The following COMT variants were observed in gnomAD, a reference collection of about 807,000 sequenced individuals.
COMT encodes catechol O-methyltransferase.
COMT carries 13 observed loss-of-function variants against 18.9 expected under a neutral mutation model. The ratio of observed to expected loss-of-function variants is 0.69; its 90% CI spans 0.45 to 1.09. COMT has a LOEUF of 1.09. Ranked by LOEUF, COMT falls within the 50% of genes least tolerant of loss-of-function variation. The pLI, the probability that COMT is intolerant of heterozygous loss-of-function variation, is 0.00. For synonymous variants in COMT, 150 were observed against 160.9 expected (o/e 0.93, Z 0.51); for missense variants, 329 against 361.8 (o/e 0.91, Z 0.73).
rs1212982253 is a variant in COMT at position 19,961,206 on chromosome 22, A to ATC, written c.-82_-81dup. ...CAAAATTGATTTCCACAGAAATAAC[A>ATC]TCTGCTTTGCTGCCGAGCTCAGAGG... On this transcript the variant is annotated 5_prime_UTR_variant, in exon 2 of 6. Coordinates refer to ENST00000361682, the MANE Select transcript of COMT (RefSeq NM_000754.4). The ATC allele has an allele frequency of 6.6e-6, 1 of 152,324 alleles. No homozygotes were observed. 9.4% of individuals were successfully genotyped at this position (152,324 alleles called of 1,614,324 possible). A position where few individuals can be genotyped will look rare whatever the true frequency, so the allele number is the denominator to read the frequency against.
At chr22:19,949,082 G>C (rs962951172) in intron 1 of COMT, among the ~76,000 whole-genome samples, 2 of 151,868 alleles carry the variant, frequency 1.3e-5, no homozygotes, top group Non-Finnish European at 2.9e-5. Context: ...ACTTTCTTGA[G>C]GCCAGGAGTT....
At position 19,941,888 on chromosome 22, in the gene COMT, C is replaced by A. The variant is rs764956654; in HGVS notation, c.-101C>A. 3.2e-5 allele frequency: 43 copies of A among 1,352,762 alleles called. No individual in the cohort carries two copies. Among genetic ancestry groups the A allele is most frequent in the Non-Finnish European group, 4.0e-5 (42 of 1,051,702 alleles). 83.8% of individuals were successfully genotyped at this position (1,352,762 alleles called of 1,614,324 possible). A position where few individuals can be genotyped will look rare whatever the true frequency, so the allele number is the denominator to read the frequency against. Reference sequence around the variant, plus strand: ...GCGGGTCCAGTCCCGGGCGGGCCGTCGCGGGAGAGGTGAGAGCGCTGGCTA... The same window carrying A: ...GCGGGTCCAGTCCCGGGCGGGCCGTAGCGGGAGAGGTGAGAGCGCTGGCTA... On this transcript the variant is annotated 5_prime_UTR_variant, in exon 1 of 6. Coordinates refer to ENST00000361682, the MANE Select transcript of COMT (RefSeq NM_000754.4).
chr22:19,965,875 C>T (rs980082436), intron 5 of COMT, among the ~76,000 whole-genome samples: 1 of 152,064 alleles, frequency 6.6e-6, no homozygotes, highest in South Asian at 2.1e-4. Flanking sequence ...GGGGGGCTCA[C>T]CCCTGACAAA....
At position 19,968,947 on chromosome 22, in the gene COMT, T is replaced by C; in HGVS notation, c.*211T>C. The C allele has an allele frequency of 1.7e-6, 1 of 572,172 alleles. No homozygotes were observed. Among genetic ancestry groups the C allele is most frequent in the South Asian group, 2.0e-5 (1 of 50,262 alleles). The allele number at this position is 572,172 out of a possible 1,614,324, so 35.4% of individuals were successfully genotyped here. A position where few individuals can be genotyped will look rare whatever the true frequency, so the allele number is the denominator to read the frequency against. On this transcript the variant is annotated 3_prime_UTR_variant, in exon 6 of 6. Transcript: ENST00000361682. ...TCAATCATGACTTCTTTACTAACACTGGCTAGCTATATTATCTTATATACT... is the reference window on the plus strand; with the variant it reads ...TCAATCATGACTTCTTTACTAACACCGGCTAGCTATATTATCTTATATACT...
chr22:19,962,961 T>A, intron 3 of COMT, 146 bp downstream of exon 3: 11 of 1,065,618 alleles, frequency 1.0e-5, no homozygotes, highest in Non-Finnish European at 1.5e-5. Context: ...GGGGCTCCTC[T>A]GGAGTCCCAG....
chr22:19,948,954 C>CAA lies in COMT; in HGVS notation c.-92+7081_-92+7082dup, dbSNP rs71186636. Among the ~76,000 whole-genome samples the CAA allele has an allele frequency of 5.3e-3, 459 of 86,622 alleles. 4 individuals are homozygous for CAA. The highest frequency in any genetic ancestry group is 0.012 in the East Asian group (27 of 2,318). 56.8% of individuals were successfully genotyped at this position (86,622 alleles called of 152,430 possible). ...TGGGTAACAGAGCGAGACTCTGTCT[C>CAA]AAAAAAAAAAAAAAAAAAAAAAAAA... On this transcript the variant is annotated intron_variant, in intron 1 of 5. Coordinates refer to ENST00000361682, the MANE Select transcript of COMT (RefSeq NM_000754.4).
chr22:19,950,963 A>G (rs2146135682), intron 1 of COMT: 1 of 152,342 alleles, frequency 6.6e-6, no homozygotes, highest in Non-Finnish European at 1.5e-5. Flanking sequence ...AAGAACACAG[A>G]ACAGAGGGGG....
intron 1 of COMT, among the ~76,000 whole-genome samples, chr22:19,950,277 G>C: frequency 8.4e-6 from 1 of 118,542 alleles, no homozygotes; most frequent in African/African-American, 3.3e-5. Flanking sequence ...TAGAGACAAG[G>C]TCTTGCTGTG....
At position 19,962,687 on chromosome 22, in the gene COMT, C is replaced by A; in HGVS notation, c.161C>A (p.Thr54Asn). Residue 54 changes from threonine to asparagine, a missense_variant, in exon 3 of 6, where the codon ACC becomes AAC. Transcript: ENST00000361682. ...QPIHNLLMGD[T>N]KEQRILNHVL... is the part of the protein sequence containing the mutation. ...ATCCACAACCTGCTCATGGGTGACA[C>A]CAAGGAGCAGCGCATCCTGAACCAC... 1 of 1,613,508 alleles carries A rather than the reference C, an allele frequency of 6.2e-7. No homozygotes were observed. The highest frequency in any genetic ancestry group is 8.5e-7 in the Non-Finnish European group (1 of 1,179,946).
At chr22:19,947,135 T>G (rs761897422) in intron 1 of COMT, among the ~76,000 whole-genome samples, 1 of 152,010 alleles carries the variant, frequency 6.6e-6, no homozygotes, top group Admixed American at 6.6e-5. Flanking sequence ...AGGCTGGTCT[T>G]GAACTCCTGA....
chr22:19,963,593 A>G lies in COMT; in HGVS notation c.317A>G (p.Glu106Gly), dbSNP rs200563082. ...AAGATCGTGGACGCCGTGATTCAGG[A>G]GCACCAGCCCTCCGTGCTGCTGGAG... ...KGKIVDAVIQ[E>G]HQPSVLLELG... The change falls in exon 4 of 6, where the codon GAG becomes GGG. Residue 106 changes from glutamate to glycine, a missense_variant. Coordinates refer to ENST00000361682, the MANE Select transcript of COMT (RefSeq NM_000754.4). The G allele has an allele frequency of 3.1e-6, 5 of 1,612,776 alleles. No homozygotes were observed. The South Asian group carries it at 3.3e-5, about 11-fold the overall frequency.
intron 1 of COMT, among the ~76,000 whole-genome samples, chr22:19,950,169 T>C (rs1378680395): frequency 6.6e-6 from 1 of 151,788 alleles, no homozygotes; most frequent in East Asian, 1.9e-4. Context: ...CACAACTCAC[T>C]AGTTTATATA....
rs545915950 is a variant in COMT at position 19,968,857 on chromosome 22, C to T, written c.*121C>T. ...TCCTAAATGCAAAGCACACCTCGGC[C>T]GAGGCCTGCGCCCTGACATGCTAAC... On this transcript the variant is annotated 3_prime_UTR_variant, in exon 6 of 6. Transcript: ENST00000361682. The T allele has an allele frequency of 8.8e-6, 8 of 904,322 alleles. No individual in the cohort carries two copies. The highest frequency in any genetic ancestry group is 6.5e-5 in the African/African-American group (4 of 61,694). 56.0% of individuals were successfully genotyped at this position (904,322 alleles called of 1,614,324 possible). A position where few individuals can be genotyped will look rare whatever the true frequency, so the allele number is the denominator to read the frequency against.
Position 19,964,308 on chromosome 22 carries a change from C to A in COMT, c.615+9C>A. The A allele has an allele frequency of 6.2e-7, 1 of 1,613,856 alleles. No homozygotes were observed. Among genetic ancestry groups the A allele is most frequent in the Non-Finnish European group, 8.5e-7 (1 of 1,180,044 alleles). On this transcript the variant is annotated intron_variant, in intron 5 of 5. Transcript: ENST00000361682. ...ACACGCTTCTCTTGGAGGTGAGCCC[C>A]AACCAGGATGGCATCCGTGCCAGCT...
At chr22:19,953,267 G>C (rs1601515319) in intron 1 of COMT, among the ~76,000 whole-genome samples, 1 of 152,136 alleles carries the variant, frequency 6.6e-6, no homozygotes, top group East Asian at 1.9e-4. Flanking sequence ...CCCAGAGCCT[G>C]GTCCAGATGC....
At chr22:19,955,744 G>GTGCA (rs9332353) in intron 1 of COMT, among the ~76,000 whole-genome samples, 2,207 of 152,392 alleles carry the variant, frequency 0.014, 67 homozygotes, top group African/African-American at 0.05. Flanking sequence ...GGCTCTCAGT[G>GTGCA]TGCAGGGTGC....
In COMT at chr22:19,962,740, GCACA is replaced by G; in HGVS notation, c.215_218del (p.Ala72GlyfsTer18). ...GCTGCAGCATGCGGAGCCCGGGAAC[GCACA>G]GAGCGTGCTGGAGGCCATTGACACC... On this transcript the variant is annotated frameshift_variant, in exon 3 of 6. Coordinates refer to ENST00000361682, the MANE Select transcript of COMT (RefSeq NM_000754.4). LOFTEE classifies it high-confidence loss of function. 1.9e-6 allele frequency: 3 copies of G among 1,613,684 alleles called. No homozygotes were observed. Among genetic ancestry groups the G allele is most frequent in the Non-Finnish European group, 2.5e-6 (3 of 1,179,968 alleles).
At position 19,955,655 on chromosome 22, in the gene COMT, C is replaced by T. The variant is rs897181802; in HGVS notation, c.-91-5544C>T. Among the ~76,000 whole-genome samples the T allele has an allele frequency of 3.3e-5, 5 of 152,250 alleles. No individual in the cohort carries two copies. The South Asian group carries it at 6.2e-4, about 19-fold the overall frequency. On this transcript the variant is annotated intron_variant, in intron 1 of 5. Coordinates refer to ENST00000361682, the MANE Select transcript of COMT (RefSeq NM_000754.4). ...GCCATCTGTGTCCTGTTTGTCATCA[C>T]GCCTGTGGCTCTATGCTTGTCTCCC...
rs527763112 is a variant in COMT at position 19,964,082 on chromosome 22, G to A, written c.484-86G>A. 3.7e-5 allele frequency: 60 copies of A among 1,611,290 alleles called. No individual in the cohort carries two copies. In the East Asian group the frequency reaches 3.8e-4, roughly 10 times the overall value. On this transcript the variant is annotated intron_variant, in intron 4 of 5. Transcript: ENST00000361682. ...AAGATGGCCTCCTGTCTGTGTGGGC[G>A]TGGGCACTGACAGGCGCTGTTGTAT...
Sources: allele counts gnomAD v4.1 joint callset (sites outside exome capture counted in the v4.1 genomes callset), GRCh38; gene constraint gnomAD v4.1.1; transcripts MANE v1.5; gene names NCBI Gene and HGNC (gene_info 2026-07-23, HGNC 2026-07-21).